Variants in NEMP1 observed in about 807,000 individuals in gnomAD.
NEMP1 encodes nuclear envelope integral membrane protein 1.
In NEMP1, 29 loss-of-function variants were observed where a neutral mutation model predicts 53.7. The ratio of observed to expected loss-of-function variants is 0.54; its 90% CI spans 0.40 to 0.74. The LOEUF (loss-of-function observed/expected upper bound fraction) is 0.74. Among genes scored for constraint, NEMP1 ranks in the 30% least tolerant of loss-of-function variants. The probability of loss-of-function intolerance (pLI) is 0.00; values close to 1 mark genes in which losing one functional copy is unlikely to be tolerated. For synonymous variants in NEMP1, 193 were observed against 192.9 expected (o/e 1.00, Z 0.00); for missense variants, 477 against 528.6 (o/e 0.90, Z 0.96).
chr12:57,076,774 A>G (rs2136517031), intron 1 of NEMP1, among the ~76,000 whole-genome samples: 1 of 152,010 alleles, frequency 6.6e-6, no homozygotes, highest in South Asian at 2.1e-4. Context: ...ATTGCACTCC[A>G]GCCTAGGCAA....
intron 8 of NEMP1, 111 bp downstream of exon 8, chr12:57,060,661 T>TA (rs1565655825): frequency 4.4e-6 from 5 of 1,139,476 alleles, no homozygotes; most frequent in Admixed American, 4.8e-5. Context: ...ACTTGAAGAT[T>TA]AACAGGAAAA....
At chr12:57,072,341 G>A (rs568884994) in intron 2 of NEMP1, among the ~76,000 whole-genome samples, 1 of 152,346 alleles carries the variant, frequency 6.6e-6, no homozygotes, top group African/African-American at 2.4e-5. Flanking sequence ...TTGGGAGGCT[G>A]AGGCAGGAGA....
In NEMP1 at chr12:57,078,776, C is replaced by T; in HGVS notation, c.-31G>A. ...CCTCAAGCCACCTCCTCCTCACGTG[C>T]CTTACCCCAGCAACTAACTCCGAAC... is the stretch of plus-strand genomic sequence containing the variant. On this transcript the variant is annotated 5_prime_UTR_variant, in exon 1 of 9. Coordinates refer to ENST00000300128, the MANE Select transcript of NEMP1 (RefSeq NM_001130963.2). 6.3e-7 allele frequency: 1 copy of T among 1,593,628 alleles called. No homozygotes were observed. The highest frequency in any genetic ancestry group is 1.7e-4 in the Middle Eastern group (1 of 5,982).
intron 1 of NEMP1, among the ~76,000 whole-genome samples, chr12:57,084,601 A>G (rs1441276708): frequency 6.6e-6 from 1 of 151,848 alleles, no homozygotes; most frequent in Non-Finnish European, 1.5e-5. Context: ...TCCTTCCTCC[A>G]CTCTGCTCCT....
intron 1 of NEMP1, among the ~76,000 whole-genome samples, chr12:57,074,045 T>G (rs1328408792): frequency 6.6e-6 from 1 of 152,020 alleles, no homozygotes; most frequent in Non-Finnish European, 1.5e-5. Context: ...CATAGCTCAT[T>G]GCAGCCTCAA....
rs1011748797 is a variant in NEMP1 at position 57,057,440 on chromosome 12, G to C, written c.*2439C>G. On this transcript the variant is annotated 3_prime_UTR_variant, in exon 9 of 9. Coordinates refer to ENST00000300128, the MANE Select transcript of NEMP1 (RefSeq NM_001130963.2). ...CTGAGCCAGCAAACTAAGTGGCCAAGAGGGAGACAAGAGCAGCTCCTAAAG... is the reference window on the plus strand; with the variant it reads ...CTGAGCCAGCAAACTAAGTGGCCAACAGGGAGACAAGAGCAGCTCCTAAAG... 1 of 152,356 alleles carries C rather than the reference G, an allele frequency of 6.6e-6. No individual in the cohort carries two copies. Among genetic ancestry groups the C allele is most frequent in the African/African-American group, 2.4e-5 (1 of 41,448 alleles). The allele number at this position is 152,356 out of a possible 1,614,324, so 9.4% of individuals were successfully genotyped here.
rs2032743413 is a variant in NEMP1 at position 57,078,659 on chromosome 12, C to T, written c.87G>A (p.Arg29=). The change falls in exon 1 of 9, where the codon CGG becomes CGA. Residue 29 remains arginine, a synonymous_variant. Transcript: ENST00000300128. ...GSGVGGGGTV[R]LLLILSGCLV... is the part of the protein sequence containing the mutation. ...AGCAGCCGGAGAGGATCAAGAGTAGCCGCACTGTCCCACCGCCCCCGACTC... is the reference window on the plus strand; with the variant it reads ...AGCAGCCGGAGAGGATCAAGAGTAGTCGCACTGTCCCACCGCCCCCGACTC... 1.2e-6 allele frequency: 2 copies of T among 1,613,418 alleles called. No homozygotes were observed. The highest frequency in any genetic ancestry group is 2.2e-5 in the East Asian group (1 of 44,834).
intron 1 of NEMP1, among the ~76,000 whole-genome samples, chr12:57,083,835 G>A (rs1333043218): frequency 6.6e-6 from 1 of 152,248 alleles, no homozygotes; most frequent in Non-Finnish European, 1.5e-5. Flanking sequence ...GTGCAATGGC[G>A]TGATCTCAGC....
At chr12:57,064,570 T>C (rs1358343339) in intron 5 of NEMP1, 76 bp downstream of exon 5, 1 of 1,157,010 alleles carries the variant, frequency 8.6e-7, no homozygotes, top group Admixed American at 2.1e-5. Context: ...TTTTCAGTTT[T>C]CTAAGATTAC....
intron 1 of NEMP1, among the ~76,000 whole-genome samples, chr12:57,075,701 T>A (rs1592516488): frequency 6.7e-6 from 1 of 149,944 alleles, no homozygotes; most frequent in African/African-American, 2.5e-5. Context: ...GCACGGTGGC[T>A]CACACCTGTA....
chr12:57,085,095 C>T (rs1234821615), intron 1 of NEMP1, among the ~76,000 whole-genome samples: 2 of 152,204 alleles, frequency 1.3e-5, no homozygotes, highest in East Asian at 3.8e-4. Context: ...TGAAACATAT[C>T]ACTCTGTTTC....
intron 4 of NEMP1, among the ~76,000 whole-genome samples, chr12:57,067,959 C>T (rs913665758): frequency 1.3e-5 from 2 of 151,784 alleles, no homozygotes; most frequent in Non-Finnish European, 1.5e-5. Flanking sequence ...TTTGTAGAGG[C>T]AGGGTCTCAC....
chr12:57,064,224 C>G (rs1309940414), intron 5 of NEMP1, 39 bp from the exon 6 acceptor site: 1 of 1,344,836 alleles, frequency 7.4e-7, no homozygotes, highest in Non-Finnish European at 1.0e-6. Context: ...AAAGTTACAA[C>G]AGGCTTTCCA....
rs2031708749 is a variant in NEMP1, at chr12:57,059,848, G to A, written c.*31C>T. 1.3e-6 allele frequency: 2 copies of A among 1,599,094 alleles called. No individual in the cohort carries two copies. Among genetic ancestry groups the A allele is most frequent in the Non-Finnish European group, 1.7e-6 (2 of 1,169,896 alleles). ...CATGCAACATGGACCAAGGCACCAAGCCAGTCCACGTAAAGATAACTGACC... is the reference window on the plus strand; with the variant it reads ...CATGCAACATGGACCAAGGCACCAAACCAGTCCACGTAAAGATAACTGACC... On this transcript the variant is annotated 3_prime_UTR_variant, in exon 9 of 9. Transcript: ENST00000300128.
intron 1 of NEMP1, among the ~76,000 whole-genome samples, chr12:57,085,630 C>A (rs925850377): frequency 3.9e-5 from 6 of 152,174 alleles, no homozygotes; most frequent in African/African-American, 1.4e-4. Context: ...ATGATAAATT[C>A]TGCCATGTTA....
chr12:57,062,792 C>T (rs530876778), intron 7 of NEMP1, among the ~76,000 whole-genome samples: 10 of 151,902 alleles, frequency 6.6e-5, no homozygotes, highest in African/African-American at 1.9e-4. Context: ...TGCAGTGAGC[C>T]GAGATCACGC....
In NEMP1 at chr12:57,070,875, T is replaced by C. The variant is rs2032314943; in HGVS notation, c.271A>G (p.Arg91Gly). 6.2e-7 allele frequency: 1 copy of C among 1,613,726 alleles called. No homozygotes were observed. The highest frequency in any genetic ancestry group is 1.3e-5 in the African/African-American group (1 of 74,894). ...TCCACCTGGGTGACTCGAACCAATC[T>C]GGAACTATTTACTCGGATCTGTAAC... is the stretch of plus-strand genomic sequence containing the variant. ...TRIQIRVNSS[R>G]LVRVTQVENE... The change falls in exon 3 of 9, where the codon AGA becomes GGA. Residue 91 changes from arginine to glycine, a missense_variant. Transcript: ENST00000300128.
At chr12:57,082,948 G>C (rs1449901106), upstream of NEMP1, among the ~76,000 whole-genome samples, 2 of 152,118 alleles carry the variant, frequency 1.3e-5, no homozygotes, top group Non-Finnish European at 2.9e-5. Context: ...CTGAGCCTGG[G>C]AAGTCAAGAC....
rs966469332 is a variant in NEMP1, at chr12:57,056,069, C to T, written c.*3810G>A. 2 of 152,176 alleles carry T rather than the reference C, an allele frequency of 1.3e-5. No homozygotes were observed. Among genetic ancestry groups the T allele is most frequent in the Non-Finnish European group, 2.9e-5 (2 of 68,032 alleles). The allele number at this position is 152,176 out of a possible 1,614,324, so 9.4% of individuals were successfully genotyped here. On this transcript the variant is annotated 3_prime_UTR_variant, in exon 9 of 9. Coordinates refer to ENST00000300128, the MANE Select transcript of NEMP1 (RefSeq NM_001130963.2). The stretch of plus-strand genomic sequence containing the variant: ...TCAAGAGTGTGAAAGAGGAAGATGA[C>T]ACACACGTGGGATGGTGTGGAAATC...
Sources: allele counts gnomAD v4.1 joint callset (sites outside exome capture counted in the v4.1 genomes callset), GRCh38; gene constraint gnomAD v4.1.1; transcripts MANE v1.5; gene names NCBI Gene and HGNC (gene_info 2026-07-23, HGNC 2026-07-21).